LRRC75A: variants seen among roughly 807,000 people sequenced by gnomAD.
The protein encoded by LRRC75A is leucine rich repeat containing 75A.
In LRRC75A, 12 loss-of-function variants were observed where a neutral mutation model predicts 26.0. The observed-to-expected ratio is 0.46, with a 90% confidence interval of 0.30 to 0.75. LRRC75A has a LOEUF of 0.75. Among genes scored for constraint, LRRC75A ranks in the 30% least tolerant of loss-of-function variants. The pLI is 0.08. For missense variants in LRRC75A, 410 were observed against 486.6 expected (o/e 0.84, Z 1.48); for synonymous variants, 223 against 219.3 (o/e 1.02, Z -0.15).
At position 16,452,966 on chromosome 17, in the gene LRRC75A, C is replaced by T. The variant is rs2093644913; in HGVS notation, c.376-5006G>A. Among the ~76,000 whole-genome samples the T allele has an allele frequency of 1.3e-5, 2 of 152,108 alleles. 1 individual carries two copies. The highest frequency in any genetic ancestry group is 3.9e-4 in the East Asian group (2 of 5,172). On this transcript the variant is annotated intron_variant, in intron 2 of 3. Coordinates refer to ENST00000470794, the MANE Select transcript of LRRC75A (RefSeq NM_001113567.3). ...AATCTGGGGCCAAAATCCCTGTCCA[C>T]CCTCTCAGCCTGGGCAGCTGAGCCT... is the stretch of plus-strand genomic sequence containing the variant.
chr17:16,471,384 T>TAA (rs1176269616), intron 1 of LRRC75A, among the ~76,000 whole-genome samples: 2 of 152,218 alleles, frequency 1.3e-5, no homozygotes, highest in Admixed American at 1.3e-4. Flanking sequence ...GGTCATTGGT[T>TAA]ACGGCAGCCC....
chr17:16,474,007 T>A (rs1431236572), intron 1 of LRRC75A, among the ~76,000 whole-genome samples: 1 of 152,196 alleles, frequency 6.6e-6, no homozygotes, highest in Non-Finnish European at 1.5e-5. Flanking sequence ...CGTTGCCAAG[T>A]GTAACTTAAT....
intron 2 of LRRC75A, among the ~76,000 whole-genome samples, chr17:16,459,336 G>C (rs2093709605): frequency 6.6e-6 from 1 of 152,208 alleles, no homozygotes; most frequent in Admixed American, 6.5e-5. Flanking sequence ...GCCTACACTA[G>C]GCAGGCTTGT....
intron 1 of LRRC75A, among the ~76,000 whole-genome samples, chr17:16,488,849 T>A (rs2093851930): frequency 6.6e-6 from 1 of 152,142 alleles, no homozygotes; most frequent in South Asian, 2.1e-4. Flanking sequence ...TCTTAGATGC[T>A]GAAGAGGGGC....
At chr17:16,483,792 C>T (rs2093839975) in intron 1 of LRRC75A, among the ~76,000 whole-genome samples, 1 of 152,208 alleles carries the variant, frequency 6.6e-6, no homozygotes, top group Non-Finnish European at 1.5e-5. Context: ...GGGTCCTTGC[C>T]ATCCCTCCCG....
intron 1 of LRRC75A, among the ~76,000 whole-genome samples, chr17:16,476,732 A>ATTTTT (rs1170298700): frequency 1.3e-5 from 1 of 75,514 alleles, no homozygotes; most frequent in African/African-American, 6.1e-5. Flanking sequence ...TGCCTGGCTG[A>ATTTTT]TTTTTTTTTT....
chr17:16,467,890 G>A (rs1044963533), intron 1 of LRRC75A, among the ~76,000 whole-genome samples: 3 of 152,052 alleles, frequency 2.0e-5, no homozygotes, highest in African/African-American at 4.8e-5. Flanking sequence ...TCTTGACATC[G>A]CCCAAACTCC....
rs2093542568 is a variant in LRRC75A, at chr17:16,442,726, T to TA, written c.*861dup. On this transcript the variant is annotated 3_prime_UTR_variant, in exon 4 of 4. Coordinates refer to ENST00000470794, the MANE Select transcript of LRRC75A (RefSeq NM_001113567.3). ...TTAAGAGTTATGGGGAAAGAGTTCT[T>TA]ACGGCCTGTCTAGGTCAGTGAAGTC... 1 of 152,188 alleles carries TA rather than the reference T, an allele frequency of 6.6e-6. No homozygotes were observed. Among genetic ancestry groups the TA allele is most frequent in the Admixed American group, 6.5e-5 (1 of 15,272 alleles). The allele number at this position is 152,188 out of a possible 1,614,324, so 9.4% of individuals were successfully genotyped here.
chr17:16,485,681 T>TGTTC (rs1555893693), intron 1 of LRRC75A, among the ~76,000 whole-genome samples: 2,948 of 135,004 alleles, frequency 0.022, 28 homozygotes, highest in Middle Eastern at 0.049. Flanking sequence ...CGTGTGTGTG[T>TGTTC]GTGTGTGTGT....
chr17:16,449,438 G>A (rs2093613066), intron 2 of LRRC75A, among the ~76,000 whole-genome samples: 1 of 152,138 alleles, frequency 6.6e-6, no homozygotes. Context: ...GAGTTTCTGT[G>A]AGGATTAAAT....
intron 2 of LRRC75A, among the ~76,000 whole-genome samples, chr17:16,457,853 A>G (rs2093697251): frequency 6.6e-6 from 1 of 152,072 alleles, no homozygotes; most frequent in African/African-American, 2.4e-5. Flanking sequence ...GCCTGCCTGC[A>G]GTCCCAGCTA....
chr17:16,450,966 G>T (rs141696390), intron 2 of LRRC75A, among the ~76,000 whole-genome samples: 1 of 152,100 alleles, frequency 6.6e-6, no homozygotes, highest in African/African-American at 2.4e-5. Context: ...AAGGCAGGAG[G>T]GGGGTGACCT....
In LRRC75A at chr17:16,462,459, T is replaced by G; in HGVS notation, c.247-73A>C. 1 of 1,596,218 alleles carries G rather than the reference T, an allele frequency of 6.3e-7. No homozygotes were observed. ...GCTCGCCCACCATCCCCAAGAGAAG[T>G]AGGCACAGACCCCTAGAGGCGACTC... On this transcript the variant is annotated intron_variant, in intron 1 of 3. Coordinates refer to ENST00000470794, the MANE Select transcript of LRRC75A (RefSeq NM_001113567.3). The surrounding 1 kb of genome is among the most constrained non-coding windows in gnomAD (Gnocchi z 4.6).
chr17:16,491,709 C>T lies in LRRC75A; in HGVS notation c.246+36G>A, dbSNP rs1485017763. The T allele has an allele frequency of 6.2e-6, 8 of 1,286,622 alleles. No individual in the cohort carries two copies. The highest frequency in any genetic ancestry group is 6.9e-6 in the Non-Finnish European group (7 of 1,016,128). The allele number at this position is 1,286,622 out of a possible 1,614,324, so 79.7% of individuals were successfully genotyped here. On this transcript the variant is annotated intron_variant, in intron 1 of 3. Coordinates refer to ENST00000470794, the MANE Select transcript of LRRC75A (RefSeq NM_001113567.3). This position sits in a 1 kb window ranked among gnomAD's most constrained non-coding sequence, Gnocchi z 5.9. ...CCCCCCGGCCCAGCACGCCCCCTGGCCCGGCGCGCCCCCCGCGCCCCCTCC... is the reference window on the plus strand; with the variant it reads ...CCCCCCGGCCCAGCACGCCCCCTGGTCCGGCGCGCCCCCCGCGCCCCCTCC...
intron 2 of LRRC75A, 24 bp from the exon 3 acceptor site, chr17:16,447,984 AGGGCCCTGAGTGGCT>A: frequency 6.5e-7 from 1 of 1,542,756 alleles, no homozygotes; most frequent in Non-Finnish European, 8.8e-7. Flanking sequence ...CATGGGTGGT[AGGGCCCTGAGTGGCT>A]GGGTGCACCA....
intron 1 of LRRC75A, among the ~76,000 whole-genome samples, chr17:16,486,943 A>G (rs1267339089): frequency 1.3e-5 from 2 of 152,176 alleles, no homozygotes; most frequent in Non-Finnish European, 2.9e-5. Context: ...GCACATCTTC[A>G]CGGCACACAG....
At chr17:16,450,287 CAA>C (rs1048065408) in intron 2 of LRRC75A, among the ~76,000 whole-genome samples, 1 of 152,120 alleles carries the variant, frequency 6.6e-6, no homozygotes, top group African/African-American at 2.4e-5. Context: ...GGAAGGGGGA[CAA>C]GAGAGAGAGG....
chr17:16,472,472 C>T (rs983132374), intron 1 of LRRC75A, among the ~76,000 whole-genome samples: 10 of 152,138 alleles, frequency 6.6e-5, no homozygotes, highest in African/African-American at 2.2e-4. Context: ...GAAGTGGCAC[C>T]AGTGGGCTTG....
intron 1 of LRRC75A, among the ~76,000 whole-genome samples, chr17:16,479,553 G>T (rs563298950): frequency 1.3e-5 from 2 of 152,308 alleles, no homozygotes; most frequent in Non-Finnish European, 2.9e-5. Flanking sequence ...TCTCATAAAG[G>T]CACTCTATGG....
Sources: allele counts gnomAD v4.1 joint callset (sites outside exome capture counted in the v4.1 genomes callset), GRCh38; gene constraint gnomAD v4.1.1; non-coding constraint Gnocchi (gnomAD v3.1); transcripts MANE v1.5; gene names NCBI Gene and HGNC (gene_info 2026-07-23, HGNC 2026-07-21).